The following CNR2 variants were observed in gnomAD, a reference collection of about 807,000 sequenced individuals.
The protein encoded by CNR2 is cannabinoid receptor 2 (macrophage).
For synonymous variants in CNR2, 172 were observed against 182.2 expected, an observed-to-expected ratio of 0.94 and a Z score of 0.45; for missense variants, 379 against 439.9, an observed-to-expected ratio of 0.86 and a Z score of 1.24.
At chr1:23,884,116 G>A (rs1473080012) in intron 1 of CNR2, among the ~76,000 whole-genome samples, 1 of 151,100 alleles carries the variant, frequency 6.6e-6, no homozygotes, top group Non-Finnish European at 1.5e-5. Context: ...GTCTCACTCT[G>A]TCGCCCAGGC....
Position 23,881,660 on chromosome 1 carries a change from G to A in CNR2, c.-45-5998C>T, listed in dbSNP as rs192051570. ...ATCCCAGCCCTTTGGAGGCCGAGGC[G>A]GGCGGATCACCTGAGGTAGGGAGTT... On this transcript the variant is annotated intron_variant, in intron 1 of 1. Transcript: ENST00000374472. Among the ~76,000 whole-genome samples the A allele has an allele frequency of 2.2e-3, 332 of 151,736 alleles. 1 individual carries two copies. The highest frequency in any genetic ancestry group is 6.9e-3 in the African/African-American group (286 of 41,398).
At chr1:23,878,394 TGAAAA>T in intron 1 of CNR2, among the ~76,000 whole-genome samples, 1 of 151,466 alleles carries the variant, frequency 6.6e-6, no homozygotes, top group South Asian at 2.1e-4. Flanking sequence ...TCAGGATCCA[TGAAAA>T]ATAAGACTAT....
chr1:23,906,578 C>T (rs1255336536), intron 1 of CNR2, among the ~76,000 whole-genome samples: 3 of 133,614 alleles, frequency 2.2e-5, no homozygotes, highest in Non-Finnish European at 3.1e-5. Flanking sequence ...AGTTTTGCCA[C>T]GTTGCCCACG....
At chr1:23,881,591 GA>G (rs570299583) in intron 1 of CNR2, among the ~76,000 whole-genome samples, 5,570 of 124,584 alleles carry the variant, frequency 0.045, 306 homozygotes, top group African/African-American at 0.14. Context: ...CTCAAAAAAA[GA>G]AAAAAAAAAT....
chr1:23,885,971 C>T (rs1640082411), intron 1 of CNR2, among the ~76,000 whole-genome samples: 1 of 151,652 alleles, frequency 6.6e-6, no homozygotes, highest in African/African-American at 2.4e-5. Context: ...AGGCAGATCA[C>T]AAGGTCAGGA....
At chr1:23,905,242 T>G (rs1640469831) in intron 1 of CNR2, among the ~76,000 whole-genome samples, 1 of 150,624 alleles carries the variant, frequency 6.6e-6, no homozygotes, top group Admixed American at 6.6e-5. Flanking sequence ...TGGAGTGTAG[T>G]GCATCTCGGC....
chr1:23,893,796 A>G (rs1640231613), intron 1 of CNR2, among the ~76,000 whole-genome samples: 1 of 152,184 alleles, frequency 6.6e-6, no homozygotes, highest in East Asian at 1.9e-4. Context: ...TCTGTATTTT[A>G]TAGATGAAGA....
At chr1:23,876,195 T>TTTTA (rs150599301) in intron 1 of CNR2, among the ~76,000 whole-genome samples, 85,565 of 147,528 alleles carry the variant, frequency 0.58, 24,985 homozygotes, top group South Asian at 0.7. Flanking sequence ...TTATTTTAAT[T>TTTTA]TTTATTTATT....
At chr1:23,894,947 T>C (rs1024664365) in intron 1 of CNR2, among the ~76,000 whole-genome samples, 1 of 151,952 alleles carries the variant, frequency 6.6e-6, no homozygotes, top group Non-Finnish European at 1.5e-5. Context: ...CTGCCGGGCA[T>C]GGTGGCTCAC....
chr1:23,889,058 G>C (rs1640140945), intron 1 of CNR2, among the ~76,000 whole-genome samples: 1 of 152,142 alleles, frequency 6.6e-6, no homozygotes, highest in Non-Finnish European at 1.5e-5. Flanking sequence ...AAATACCACT[G>C]TTCAGAAACC....
In CNR2 at chr1:23,874,459, T is replaced by G; in HGVS notation, c.*76A>C. ...GGGACTGGTTTAAGTAAGAAGAGAG[T>G]GCCAAGACCCCTCTCTCTCTTCCAG... On this transcript the variant is annotated 3_prime_UTR_variant, in exon 2 of 2. Coordinates refer to ENST00000374472, the MANE Select transcript of CNR2 (RefSeq NM_001841.3). 6.8e-7 allele frequency: 1 copy of G among 1,470,448 alleles called. No homozygotes were observed. Among genetic ancestry groups the G allele is most frequent in the Non-Finnish European group, 9.2e-7 (1 of 1,088,826 alleles). 91.1% of individuals were successfully genotyped at this position (1,470,448 alleles called of 1,614,324 possible). A position where few individuals can be genotyped will look rare whatever the true frequency, so the allele number is the denominator to read the frequency against.
intron 1 of CNR2, among the ~76,000 whole-genome samples, chr1:23,905,468 C>G (rs1023047912): frequency 6.6e-6 from 1 of 150,948 alleles, no homozygotes; most frequent in African/African-American, 2.4e-5. Flanking sequence ...GCATGAGCCA[C>G]CGCGCCCAGC....
chr1:23,885,190 G>A (rs3923182), intron 1 of CNR2, among the ~76,000 whole-genome samples: 6 of 151,910 alleles, frequency 3.9e-5, no homozygotes, highest in Admixed American at 3.9e-4. Context: ...CCTTGAGCCC[G>A]GGAGTTGGAG....
intron 1 of CNR2, among the ~76,000 whole-genome samples, chr1:23,888,230 C>T (rs1247373688): frequency 2.6e-5 from 4 of 152,156 alleles, no homozygotes; most frequent in Admixed American, 6.6e-5. Context: ...CTTAATTTCC[C>T]ACAACAGAGA....
chr1:23,904,584 A>G (rs962921109), intron 1 of CNR2, among the ~76,000 whole-genome samples: 3 of 152,182 alleles, frequency 2.0e-5, no homozygotes, highest in African/African-American at 7.2e-5. Context: ...ATGACTGATA[A>G]GCATGTGTGG....
At position 23,871,481 on chromosome 1, in the gene CNR2, T is replaced by C. The variant is rs1288891258; in HGVS notation, c.*3054A>G. 1 of 152,238 alleles carries C rather than the reference T, an allele frequency of 6.6e-6. No individual in the cohort carries two copies. The highest frequency in any genetic ancestry group is 2.4e-5 in the African/African-American group (1 of 41,472). 9.4% of individuals were successfully genotyped at this position (152,238 alleles called of 1,614,324 possible). A position where few individuals can be genotyped will look rare whatever the true frequency, so the allele number is the denominator to read the frequency against. On this transcript the variant is annotated 3_prime_UTR_variant, in exon 2 of 2. Transcript: ENST00000374472. ...TCTGGATTAAAACAAGATTTGATTT[T>C]CCAAAACATACGTCAGAGCTTTTCA...
intron 1 of CNR2, among the ~76,000 whole-genome samples, chr1:23,887,020 C>G (rs967695433): frequency 6.6e-6 from 1 of 152,226 alleles, no homozygotes; most frequent in African/African-American, 2.4e-5. Flanking sequence ...ATTCTCCTGC[C>G]TCAGCCTCCC....
At chr1:23,899,587 G>A (rs1489178768) in intron 1 of CNR2, among the ~76,000 whole-genome samples, 5 of 150,900 alleles carry the variant, frequency 3.3e-5, no homozygotes, top group Non-Finnish European at 2.9e-5. Context: ...AGGCTGAGGC[G>A]GGTGGATCAC....
chr1:23,897,844 T>C (rs1001643210), intron 1 of CNR2, among the ~76,000 whole-genome samples: 3 of 152,152 alleles, frequency 2.0e-5, no homozygotes, highest in African/African-American at 7.2e-5. Context: ...GCTGGATTCT[T>C]ATCTCTGCTT....
Sources: gnomAD v4.1 joint callset for allele counts (sites outside exome capture counted in the v4.1 genomes callset) on GRCh38, gnomAD v4.1.1 for gene constraint, MANE v1.5 for transcripts, NCBI Gene and HGNC (gene_info 2026-07-23, HGNC 2026-07-21) for gene names.